Variants in CAPN6 observed in about 807,000 individuals in gnomAD.
CAPN6 encodes calpain-6.
A neutral mutation model predicts 46.0 loss-of-function variants in CAPN6; 16 were observed. The observed-to-expected ratio is 0.35, with a 90% confidence interval of 0.24 to 0.53. The LOEUF is 0.53. CAPN6 is among the 20% of genes least tolerant of loss of function. The probability of loss-of-function intolerance (pLI) is 0.94; values close to 1 mark genes in which losing one functional copy is unlikely to be tolerated. For synonymous variants in CAPN6, 206 were observed against 172.8 expected (o/e 1.19, Z -1.51); for missense variants, 461 against 498.0 (o/e 0.93, Z 0.71).
intron 2 of CAPN6, among the ~76,000 whole-genome samples, chrX:111,256,845 ACCC>A (rs61313475): frequency 7.7e-4 from 61 of 78,951 alleles, no homozygotes; most frequent in Admixed American, 2.0e-3. Context: ...TAAATTTGGG[ACCC>A]CCCCCCCCAC....
chrX:111,257,613 CTGTT>C (rs1453937050), intron 2 of CAPN6, among the ~76,000 whole-genome samples: 1 of 111,999 alleles, frequency 8.9e-6, no homozygotes, highest in Middle Eastern at 4.2e-3. Flanking sequence ...AACAAAATGA[CTGTT>C]TGTTGACTTC....
intron 6 of CAPN6, 105 bp from the exon 7 acceptor site, chrX:111,251,391 C>T: frequency 2.1e-6 from 2 of 955,116 alleles, no homozygotes; most frequent in Non-Finnish European, 1.5e-6. Context: ...AGGATCAGTC[C>T]TGCTTTATTT....
rs187757260 is a variant in CAPN6, at chrX:111,247,345, G to C, written c.1743+23C>G. On this transcript the variant is annotated intron_variant, in intron 12 of 12. Transcript: ENST00000324068. Reference sequence around the variant, plus strand: ...CTGGTACAAAGTATGAGCCTTTCTGGCGACCCCTGTACACACTCTTACCTG... The same window carrying C: ...CTGGTACAAAGTATGAGCCTTTCTGCCGACCCCTGTACACACTCTTACCTG... 11,086 of 1,162,228 alleles carry C rather than the reference G, an allele frequency of 9.5e-3. 58 individuals are homozygous for C. Among genetic ancestry groups the C allele is most frequent in the Non-Finnish European group, 0.01 (9,067 of 869,744 alleles).
intron 2 of CAPN6, among the ~76,000 whole-genome samples, chrX:111,260,145 G>A (rs1431962569): frequency 8.9e-6 from 1 of 112,085 alleles, no homozygotes; most frequent in East Asian, 2.8e-4. Context: ...ATGGGCAGAT[G>A]ATCTGGCATT....
chrX:111,264,040 A>G, intron 1 of CAPN6, 89 bp from the exon 2 acceptor site: 1 of 570,785 alleles, frequency 1.8e-6, no homozygotes, highest in Non-Finnish European at 2.7e-6. Context: ...CCGTCATCCC[A>G]GTGACTTCTT....
In CAPN6 at chrX:111,251,238, C is replaced by T. The variant is rs756590513; in HGVS notation, c.942G>A (p.Gly314=). The T allele has an allele frequency of 1.7e-6, 2 of 1,207,685 alleles. No individual in the cohort carries two copies. Among genetic ancestry groups the T allele is most frequent in the South Asian group, 3.5e-5 (2 of 56,557 alleles). Residue 314 remains glycine, a synonymous_variant, in exon 7 of 13, where the codon GGG becomes GGA. Transcript: ENST00000324068. Reference sequence around the variant, plus strand: ...ACTCTCCATCATCAGACATAACAAGCCCCAGGTTCTTGCGATCTGATGCAG... The same window carrying T: ...ACTCTCCATCATCAGACATAACAAGTCCCAGGTTCTTGCGATCTGATGCAG... ...QLTASDRKNL[G]LVMSDDGEFW...
chrX:111,255,744 C>T (rs17885302), intron 2 of CAPN6, among the ~76,000 whole-genome samples: 6,331 of 111,430 alleles, frequency 0.057, 291 homozygotes, highest in African/African-American at 0.15. Context: ...AAGAAATAGG[C>T]AGGCATTCTG....
At position 111,251,094 on chromosome X, in the gene CAPN6, C is replaced by T. The variant is rs2094978948; in HGVS notation, c.981G>A (p.Leu327=). The part of the protein sequence containing the change: ...MSDDGEFWMS[L]EDFCRNFHKL... ...TGTGAAAGTTGCGGCAAAAGTCCTC[C>T]AAGCTCATCCTGAATGGAAGGAGCA... The change falls in exon 8 of 13, where the codon TTG becomes TTA. Residue 327 remains leucine (L), a synonymous_variant. Transcript: ENST00000324068. The T allele has an allele frequency of 8.3e-7, 1 of 1,208,132 alleles. No individual in the cohort carries two copies. The highest frequency in any genetic ancestry group is 2.2e-5 in the Admixed American group (1 of 45,492).
intron 2 of CAPN6, 138 bp downstream of exon 2, chrX:111,263,634 T>C: frequency 2.4e-6 from 1 of 424,080 alleles, no homozygotes; most frequent in Non-Finnish European, 3.9e-6. Context: ...TCAATAAAGC[T>C]GAAAAAAAAA....
intron 10 of CAPN6, 99 bp from the exon 11 acceptor site, chrX:111,248,091 T>C: frequency 1.2e-6 from 1 of 830,117 alleles, no homozygotes; most frequent in Non-Finnish European, 1.8e-6. Context: ...GCATGAGACA[T>C]TGTGTGACTT....
intron 1 of CAPN6, among the ~76,000 whole-genome samples, chrX:111,269,781 G>GGGCA (rs1416192819): frequency 3.6e-5 from 4 of 112,031 alleles, no homozygotes; most frequent in Admixed American, 9.4e-5. Flanking sequence ...CCTGTCACCA[G>GGGCA]GGCAGGAAGA....
chrX:111,258,721 C>A (rs1172856983), intron 2 of CAPN6, among the ~76,000 whole-genome samples: 3 of 112,030 alleles, frequency 2.7e-5, no homozygotes, highest in African/African-American at 6.5e-5. Context: ...CCAACCTCCA[C>A]TTCCAAACTG....
At chrX:111,257,995 A>G (rs939201812) in intron 2 of CAPN6, among the ~76,000 whole-genome samples, 7 of 111,803 alleles carry the variant, frequency 6.3e-5, no homozygotes, top group Non-Finnish European at 7.5e-5. Context: ...AAAACCTTCC[A>G]TTAAGCAAAG....
intron 2 of CAPN6, among the ~76,000 whole-genome samples, chrX:111,261,242 C>T (rs911829006): frequency 1.1e-4 from 12 of 112,470 alleles, no homozygotes; most frequent in African/African-American, 3.2e-4. Context: ...GATGCAAATC[C>T]GAGCTTGTTA....
At chrX:111,260,715 T>C (rs988388209) in intron 2 of CAPN6, among the ~76,000 whole-genome samples, 2 of 112,124 alleles carry the variant, frequency 1.8e-5, no homozygotes, top group Admixed American at 9.4e-5. Context: ...GAGGCTCAGA[T>C]GGTGGTCCAG....
chrX:111,266,135 C>T (rs976666307), intron 1 of CAPN6, among the ~76,000 whole-genome samples: 55 of 103,628 alleles, frequency 5.3e-4, no homozygotes, highest in African/African-American at 1.9e-3. Flanking sequence ...CAAGTCCTCT[C>T]GGACTTGGAG....
chrX:111,251,639 A>G lies in CAPN6; in HGVS notation c.803T>C (p.Leu268Pro). The G allele has an allele frequency of 8.3e-7, 1 of 1,209,497 alleles. No individual in the cohort carries two copies. The highest frequency in any genetic ancestry group is 1.1e-6 in the Non-Finnish European group (1 of 893,413). The change falls in exon 6 of 13, where the codon CTT (leucine) becomes CCT (proline). Residue 268 changes from leucine (L) to proline (P), a missense_variant. Coordinates refer to ENST00000324068, the MANE Select transcript of CAPN6 (RefSeq NM_014289.4). ...CTTCTCAGCACTGAAGACTTCCACA[A>G]GTCTCTCTCCAAGACGAATTTTGCG... Reference protein sequence around the residue: ...DIRKIRLGERLVEVFSAEKVY... With the variant: ...DIRKIRLGERPVEVFSAEKVY...
chrX:111,269,069 A>C (rs1258305427), intron 1 of CAPN6, among the ~76,000 whole-genome samples: 4 of 112,342 alleles, frequency 3.6e-5, no homozygotes, highest in African/African-American at 1.3e-4. Context: ...AATCAAGGCT[A>C]ATCAAAGAAA....
chrX:111,247,244 T>C (rs1313769491), intron 12 of CAPN6, 124 bp downstream of exon 12: 3 of 638,369 alleles, frequency 4.7e-6, no homozygotes, highest in Non-Finnish European at 7.0e-6. Context: ...TTTTTGAGTA[T>C]AAAACAAACC....
Sources: gnomAD v4.1 joint callset for allele counts (sites outside exome capture counted in the v4.1 genomes callset) on GRCh38, gnomAD v4.1.1 for gene constraint, MANE v1.5 for transcripts, NCBI Gene and HGNC (gene_info 2026-07-23, HGNC 2026-07-21) for gene names.